CRACR2A: variants seen among roughly 807,000 people sequenced by gnomAD.
CRACR2A encodes EF-hand calcium-binding domain-containing protein 4B.
A neutral mutation model predicts 90.5 loss-of-function variants in CRACR2A; 79 were observed. The observed-to-expected ratio is 0.87, with a 90% CI of 0.73 to 1.05. The LOEUF (loss-of-function observed/expected upper bound fraction) is 1.05, where lower values mean the gene tolerates loss of function less well. Among genes scored for constraint, CRACR2A ranks in the 50% least tolerant of loss-of-function variants. CRACR2A has a pLI of 0.00. For synonymous variants in CRACR2A, 338 were observed against 356.7 expected (o/e 0.95, Z 0.59); for missense variants, 823 against 897.2 (o/e 0.92, Z 1.06).
chr12:3,701,066 G>A (rs575410419), intron 3 of CRACR2A, among the ~76,000 whole-genome samples: 2 of 151,992 alleles, frequency 1.3e-5, no homozygotes, highest in African/African-American at 2.4e-5. Context: ...TCTGGAAAAT[G>A]TCCAAGTATT....
chr12:3,619,122 A>G, intron 18 of CRACR2A, 149 bp downstream of exon 18: 1 of 631,684 alleles, frequency 1.6e-6, no homozygotes, highest in South Asian at 2.0e-5. Context: ...GAGCTGAGCC[A>G]TTCCCAGGAT....
At chr12:3,617,842 T>C (rs1398671446) in intron 18 of CRACR2A, among the ~76,000 whole-genome samples, 2 of 149,844 alleles carry the variant, frequency 1.3e-5, no homozygotes, top group Non-Finnish European at 3.0e-5. Context: ...TCTGTGGCTG[T>C]AGCTCAGGAG....
At chr12:3,743,847 A>C (rs1184280631) in intron 1 of CRACR2A, among the ~76,000 whole-genome samples, 1 of 152,232 alleles carries the variant, frequency 6.6e-6, no homozygotes, top group Non-Finnish European at 1.5e-5. Context: ...TCTGAGACAC[A>C]CAGTAGGGGC....
rs145701574 is a variant in CRACR2A, at chr12:3,679,250, G to A, written c.341-152C>T. 3.1e-4 allele frequency: 215 copies of A among 702,628 alleles called. 2 individuals are homozygous for A. In the African/African-American group the frequency reaches 3.1e-3, roughly 10 times the overall value. The allele number at this position is 702,628 out of a possible 1,614,324, so 43.5% of individuals were successfully genotyped here. ...AGCAAAGATCCATGGACATGGGTCCGTGGACACGTTCCAGATTCTGTGACT... is the reference window on the plus strand; with the variant it reads ...AGCAAAGATCCATGGACATGGGTCCATGGACACGTTCCAGATTCTGTGACT... On this transcript the variant is annotated intron_variant, in intron 5 of 19. Transcript: ENST00000440314.
chr12:3,745,827 A>ACATAAC (rs1303320977), intron 1 of CRACR2A, among the ~76,000 whole-genome samples: 1 of 145,262 alleles, frequency 6.9e-6, no homozygotes. Context: ...AAATAAAATA[A>ACATAAC]AGAAAGAAAA....
chr12:3,658,571 C>A (rs1236732255), intron 8 of CRACR2A, among the ~76,000 whole-genome samples: 1 of 152,134 alleles, frequency 6.6e-6, no homozygotes, highest in Non-Finnish European at 1.5e-5. Context: ...TTGGAGGACA[C>A]GACCAGATTT....
intron 7 of CRACR2A, among the ~76,000 whole-genome samples, chr12:3,670,866 T>G (rs1945227174): frequency 6.6e-6 from 1 of 152,112 alleles, no homozygotes; most frequent in Admixed American, 6.5e-5. Context: ...AAGAGTTCAG[T>G]GAGTCCCCAA....
chr12:3,664,147 TA>T (rs1371962102), intron 7 of CRACR2A, among the ~76,000 whole-genome samples: 1 of 152,250 alleles, frequency 6.6e-6, no homozygotes, highest in Non-Finnish European at 1.5e-5. Context: ...GAGAGTTATT[TA>T]AAAGACAGTT....
intron 12 of CRACR2A, among the ~76,000 whole-genome samples, chr12:3,644,044 C>T (rs1024177505): frequency 6.5e-5 from 8 of 123,122 alleles, no homozygotes; most frequent in Middle Eastern, 4.5e-3. Flanking sequence ...TGTGATTCTA[C>T]GACTCATATA....
chr12:3,740,118 G>A (rs1042252834), intron 1 of CRACR2A, among the ~76,000 whole-genome samples: 2 of 151,914 alleles, frequency 1.3e-5, no homozygotes, highest in Admixed American at 6.6e-5. Context: ...CTTGCCCAGG[G>A]CTCTCCTTTC....
rs1019513745 is a variant in CRACR2A at position 3,713,306 on chromosome 12, C to T, written c.-106G>A. 6 of 985,304 alleles carry T rather than the reference C, an allele frequency of 6.1e-6. No homozygotes were observed. The highest frequency in any genetic ancestry group is 7.2e-6 in the Non-Finnish European group (6 of 829,908). 61.0% of individuals were successfully genotyped at this position (985,304 alleles called of 1,614,324 possible). On this transcript the variant is annotated 5_prime_UTR_variant, in exon 3 of 20. Coordinates refer to ENST00000440314, the MANE Select transcript of CRACR2A (RefSeq NM_001144958.2). The stretch of plus-strand genomic sequence containing the variant: ...TGGAGGGTACTTTGGCCACTGGTGA[C>T]TTGAATTCCACCTAGGAAACACACA...
chr12:3,706,129 T>G (rs1480185514), intron 3 of CRACR2A, among the ~76,000 whole-genome samples: 3 of 152,186 alleles, frequency 2.0e-5, no homozygotes, highest in Admixed American at 6.5e-5. Flanking sequence ...TCTTAGTACT[T>G]GGGGGGAAAC....
intron 3 of CRACR2A, among the ~76,000 whole-genome samples, chr12:3,702,014 G>T (rs1443086021): frequency 6.6e-6 from 1 of 152,094 alleles, no homozygotes; most frequent in African/African-American, 2.4e-5. Context: ...TTTAACATTT[G>T]AAAATCAATA....
intron 13 of CRACR2A, among the ~76,000 whole-genome samples, chr12:3,639,585 G>A (rs1288481266): frequency 6.6e-6 from 1 of 151,748 alleles, no homozygotes; most frequent in East Asian, 1.9e-4. Context: ...AGAATATGCA[G>A]AACAGAGAAA....
At chr12:3,704,607 T>C (rs897203347) in intron 3 of CRACR2A, among the ~76,000 whole-genome samples, 31 of 152,268 alleles carry the variant, frequency 2.0e-4, no homozygotes, top group African/African-American at 2.6e-4. Flanking sequence ...TATTAAAAAA[T>C]AGAAAAGAAG....
rs553654334 is a variant in CRACR2A, at chr12:3,635,502, ATCTTTT to A, written c.1603-1772_1603-1767del. 1.3e-3 allele frequency among the ~76,000 whole-genome samples: 202 copies of A among 152,256 alleles called. 1 individual carries two copies. Among genetic ancestry groups the A allele is most frequent in the African/African-American group, 4.6e-3 (191 of 41,546 alleles). On this transcript the variant is annotated intron_variant, in intron 14 of 19. Transcript: ENST00000440314. ...CCATCCTGAAATGGTCACTATTCAT[ATCTTTT>A]TATTTTTATTTTTTAAGAGACAGGG...
At chr12:3,670,182 C>T (rs1297802805) in intron 7 of CRACR2A, among the ~76,000 whole-genome samples, 4 of 152,152 alleles carry the variant, frequency 2.6e-5, no homozygotes, top group Admixed American at 6.5e-5. Flanking sequence ...GACTGTGTTC[C>T]GCCTGGTGCC....
chr12:3,712,233 T>G (rs1470810959), intron 3 of CRACR2A, among the ~76,000 whole-genome samples: 2 of 151,898 alleles, frequency 1.3e-5, no homozygotes, highest in Non-Finnish European at 2.9e-5. Context: ...ATTTTTTTTT[T>G]TAAAGTGGGG....
rs1319054354 is a variant in CRACR2A at position 3,697,192 on chromosome 12, G to A, written c.-36-157C>T. Among the ~76,000 whole-genome samples, 5 of 152,142 alleles carry A rather than the reference G, an allele frequency of 3.3e-5. No homozygotes were observed. In the South Asian group the frequency reaches 1.0e-3, roughly 32 times the overall value. On this transcript the variant is annotated intron_variant, in intron 3 of 19. Coordinates refer to ENST00000440314, the MANE Select transcript of CRACR2A (RefSeq NM_001144958.2). The stretch of plus-strand genomic sequence containing the variant: ...TTAATTAGCAAAAGCTCAGGACAAG[G>A]GGAAAATATTCCATGATCACTAATA...
Sources: allele counts gnomAD v4.1 joint callset (sites outside exome capture counted in the v4.1 genomes callset), GRCh38; gene constraint gnomAD v4.1.1; transcripts MANE v1.5; gene names NCBI Gene and HGNC (gene_info 2026-07-23, HGNC 2026-07-21).